Variants in MRTFB observed in about 807,000 individuals in gnomAD.
MRTFB encodes myocardin-related transcription factor B.
A neutral mutation model predicts 104.2 loss-of-function variants in MRTFB; 29 were observed. That is an observed-to-expected ratio of 0.28 (90% CI 0.21 to 0.38). The LOEUF (loss-of-function observed/expected upper bound fraction) is 0.38. MRTFB is among the 10% of genes least tolerant of loss of function. The pLI, the probability that MRTFB is intolerant of heterozygous loss-of-function variation, is 1.00. For synonymous variants in MRTFB, 535 were observed against 519.5 expected (o/e 1.03, Z -0.41); for missense variants, 1,270 against 1,341.6 (o/e 0.95, Z 0.83).
At chr16:14,135,318 C>T (rs1286999032) in intron 2 of MRTFB, among the ~76,000 whole-genome samples, 1 of 152,238 alleles carries the variant, frequency 6.6e-6, no homozygotes, top group South Asian at 2.1e-4. Context: ...CAATCATGCA[C>T]CACATAACAT....
At chr16:14,070,609 T>C (rs938410301), upstream of MRTFB, among the ~76,000 whole-genome samples, 1 of 152,212 alleles carries the variant, frequency 6.6e-6, no homozygotes, top group Admixed American at 6.5e-5. Flanking sequence ...GAGAAGCACT[T>C]TACTGTCGCC....
chr16:14,176,854 T>C (rs916573159), intron 3 of MRTFB, among the ~76,000 whole-genome samples: 68 of 152,230 alleles, frequency 4.5e-4, no homozygotes, highest in African/African-American at 1.6e-3. Context: ...TCATCTTCAT[T>C]ATTGTCATCA....
chr16:14,091,888 A>AG (rs1491477657), intron 2 of MRTFB, among the ~76,000 whole-genome samples: 1 of 148,254 alleles, frequency 6.7e-6, no homozygotes, highest in Non-Finnish European at 1.5e-5. Flanking sequence ...CCAGCTACTC[A>AG]GGGGGCTGAG....
At chr16:14,244,892 T>TTA (rs1170784363) in intron 10 of MRTFB, among the ~76,000 whole-genome samples, 1 of 152,214 alleles carries the variant, frequency 6.6e-6, no homozygotes, top group African/African-American at 2.4e-5. Flanking sequence ...TTAGTGCTTT[T>TTA]TATGTGCTGT....
chr16:14,160,782 C>CATA (rs2039001442), intron 3 of MRTFB, among the ~76,000 whole-genome samples: 1 of 152,014 alleles, frequency 6.6e-6, no homozygotes, highest in African/African-American at 2.4e-5. Flanking sequence ...TTATGGTCAT[C>CATA]ATTTTTGATG....
chr16:14,237,441 A>T (rs1343637349), intron 9 of MRTFB, among the ~76,000 whole-genome samples: 2 of 152,240 alleles, frequency 1.3e-5, no homozygotes, highest in Non-Finnish European at 1.5e-5. Context: ...CCTCGGTTTA[A>T]CGTTGAAGCA....
At chr16:14,031,966 C>T in the MRTFB span, among the ~76,000 whole-genome samples, 2 of 152,164 alleles carry the variant, frequency 1.3e-5, no homozygotes, top group East Asian at 3.9e-4. Context: ...CTCCACCATG[C>T]CCAGCTAATT....
chr16:14,058,653 C>T, the MRTFB span, among the ~76,000 whole-genome samples: 1 of 149,422 alleles, frequency 6.7e-6, no homozygotes, highest in African/African-American at 2.5e-5. Context: ...TGTGGTCTTA[C>T]TGGAAGGGCT....
chr16:14,167,353 G>GT (rs757037270), intron 3 of MRTFB, among the ~76,000 whole-genome samples: 410 of 147,980 alleles, frequency 2.8e-3, no homozygotes, highest in African/African-American at 8.7e-3. Flanking sequence ...ACTTTTTAAT[G>GT]TTTTTTTTTT....
chr16:14,248,386 C>A (rs2043113529), intron 12 of MRTFB: 1 of 152,340 alleles, frequency 6.6e-6, no homozygotes, highest in African/African-American at 2.4e-5. Context: ...TCTGTTTTAT[C>A]TTTAGGGTAT....
At chr16:14,027,262 G>GA in the MRTFB span, among the ~76,000 whole-genome samples, 10 of 151,818 alleles carry the variant, frequency 6.6e-5, no homozygotes, top group South Asian at 2.1e-3. Context: ...AACGCTGTGT[G>GA]AAAAAAAAGA....
At chr16:14,185,983 T>C (rs1215973834) in intron 3 of MRTFB, among the ~76,000 whole-genome samples, 1 of 152,168 alleles carries the variant, frequency 6.6e-6, no homozygotes, top group African/African-American at 2.4e-5. Context: ...AAATTAAACT[T>C]AGGCTGGTCA....
In MRTFB at chr16:14,212,422, A is replaced by C; in HGVS notation, c.276+13A>C. 3 of 1,613,006 alleles carry C rather than the reference A, an allele frequency of 1.9e-6. No individual in the cohort carries two copies. The highest frequency in any genetic ancestry group is 1.3e-5 in the African/African-American group (1 of 75,026). On this transcript the variant is annotated intron_variant, in intron 5 of 16. Coordinates refer to ENST00000571589, the MANE Select transcript of MRTFB (RefSeq NM_001308142.2). ...GGAACGAGCCAGAGTAAGACATTTC[A>C]CTTTAAAATGTTCTACTTCTCTCTC...
the MRTFB span, among the ~76,000 whole-genome samples, chr16:14,032,118 CT>C: frequency 6.6e-6 from 1 of 152,126 alleles, no homozygotes; most frequent in South Asian, 2.1e-4. Flanking sequence ...AATGAGGTGA[CT>C]TTTGAAAAGG....
At chr16:14,080,765 T>G (rs1436261636) in intron 2 of MRTFB, among the ~76,000 whole-genome samples, 3 of 152,242 alleles carry the variant, frequency 2.0e-5, no homozygotes, top group Non-Finnish European at 4.4e-5. Context: ...TATTTGTCTT[T>G]CTGTGTCAGG....
chr16:14,076,992 C>G (rs1321846546), intron 1 of MRTFB, among the ~76,000 whole-genome samples: 1 of 152,144 alleles, frequency 6.6e-6, no homozygotes, highest in African/African-American at 2.4e-5. Context: ...CTTTTTCTTA[C>G]TAATTTCTAT....
chr16:14,079,293 C>A lies in MRTFB; in HGVS notation c.-125C>A. 1 of 353,384 alleles carries A rather than the reference C, an allele frequency of 2.8e-6. No homozygotes were observed. The highest frequency in any genetic ancestry group is 1.4e-4 in the South Asian group (1 of 7,274). The allele number at this position is 353,384 out of a possible 1,614,324, so 21.9% of individuals were successfully genotyped here. A position where few individuals can be genotyped will look rare whatever the true frequency, so the allele number is the denominator to read the frequency against. On this transcript the variant is annotated 5_prime_UTR_variant, in exon 2 of 17. Transcript: ENST00000571589. ...ATTTCTGCCTTTTTTTTTCCAGGTT[C>A]ACAATAAAGGTGCTAAGAAAGAGAA...
chr16:14,266,330 T>C lies in MRTFB; in HGVS notation c.*4886T>C, dbSNP rs1372823861. 2.0e-5 allele frequency: 3 copies of C among 152,186 alleles called. No individual in the cohort carries two copies. Among genetic ancestry groups the C allele is most frequent in the Non-Finnish European group, 4.4e-5 (3 of 68,040 alleles). The allele number at this position is 152,186 out of a possible 1,614,324, so 9.4% of individuals were successfully genotyped here. On this transcript the variant is annotated 3_prime_UTR_variant, in exon 17 of 17. Coordinates refer to ENST00000571589, the MANE Select transcript of MRTFB (RefSeq NM_001308142.2). ...TATGTAGAAATTAGTTTTCTTTTCT[T>C]GCTTGCAATAGAAATGCAATGTGAT... is the stretch of plus-strand genomic sequence containing the variant.
chr16:14,203,455 A>G (rs1428403377), intron 3 of MRTFB, among the ~76,000 whole-genome samples: 1 of 152,138 alleles, frequency 6.6e-6, no homozygotes, highest in Non-Finnish European at 1.5e-5. Flanking sequence ...GCTCAACTCA[A>G]ACTAAACTGC....
Sources: allele counts gnomAD v4.1 joint callset (sites outside exome capture counted in the v4.1 genomes callset), GRCh38; gene constraint gnomAD v4.1.1; transcripts MANE v1.5; gene names NCBI Gene and HGNC (gene_info 2026-07-23, HGNC 2026-07-21).